CSMD1: variants seen among roughly 807,000 people sequenced by gnomAD.
The protein encoded by CSMD1 is CUB and Sushi multiple domains 1, also known as CUB and sushi domain-containing protein 1.
In CSMD1, 213 loss-of-function variants were observed where a neutral mutation model predicts 417.5. That is an observed-to-expected ratio of 0.51 (90% CI 0.46 to 0.57). CSMD1 has a LOEUF of 0.57. Among genes scored for constraint, CSMD1 ranks in the 20% least tolerant of loss-of-function variants. The pLI is 0.00. For missense variants in CSMD1, 6,923 were observed against 4,529.7 expected (o/e 1.53, Z -15.17); for synonymous variants, 2,862 against 1,736.8 (o/e 1.65, Z -16.11).
rs571134495 is a variant in CSMD1, at chr8:4,065,301, G to T, written c.416-33202C>A. On this transcript the variant is annotated intron_variant, in intron 3 of 69. Coordinates refer to ENST00000635120, the MANE Select transcript of CSMD1 (RefSeq NM_033225.6). ...GGGCAGTGCTTCCCCATCCCCCTCA[G>T]TAGCACACTGAACTTTTACATTTAA... Among the ~76,000 whole-genome samples, 6 of 152,248 alleles carry T rather than the reference G, an allele frequency of 3.9e-5. No individual in the cohort carries two copies. In the East Asian group the frequency reaches 1.2e-3, roughly 29 times the overall value.
At chr8:4,043,266 A>T (rs1313998392) in intron 3 of CSMD1, among the ~76,000 whole-genome samples, 1 of 152,240 alleles carries the variant, frequency 6.6e-6, no homozygotes, top group African/African-American at 2.4e-5. Context: ...CATAGGAGAT[A>T]AAACGAATCA....
chr8:3,929,618 A>T lies in CSMD1; in HGVS notation c.818+68285T>A, dbSNP rs1276193334. Among the ~76,000 whole-genome samples the T allele has an allele frequency of 1.3e-5, 2 of 150,608 alleles. 1 individual carries two copies. The highest frequency in any genetic ancestry group is 3.0e-5 in the Non-Finnish European group (2 of 67,606). ...ATGTGGCTGCATTATTTTGTCTTTA[A>T]AAGGAAGAGTATATTGTTTCAAAAC... On this transcript the variant is annotated intron_variant, in intron 5 of 69. Transcript: ENST00000635120.
At chr8:3,733,706 A>G (rs914920596) in intron 6 of CSMD1, among the ~76,000 whole-genome samples, 2 of 152,086 alleles carry the variant, frequency 1.3e-5, no homozygotes, top group Non-Finnish European at 2.9e-5. Flanking sequence ...CATCTCAGGG[A>G]CTGGATGGAC....
intron 1 of CSMD1, among the ~76,000 whole-genome samples, chr8:4,686,694 T>C (rs1323461068): frequency 1.3e-5 from 2 of 152,232 alleles, no homozygotes; most frequent in African/African-American, 4.8e-5. Context: ...CGAAGGCTCA[T>C]ATTACATAAA....
At chr8:3,506,150 C>T (rs986566202) in intron 10 of CSMD1, among the ~76,000 whole-genome samples, 3 of 152,060 alleles carry the variant, frequency 2.0e-5, no homozygotes, top group African/African-American at 7.2e-5. Flanking sequence ...AGAGGAAGTG[C>T]CAGGGAGGCA....
At position 2,941,520 on chromosome 8, in the gene CSMD1, C is replaced by T. The variant is rs111755545; in HGVS notation, c.10535+952G>A. Among the ~76,000 whole-genome samples the T allele has an allele frequency of 8.0e-3, 1,221 of 152,232 alleles. 14 individuals carry two copies. Among genetic ancestry groups the T allele is most frequent in the African/African-American group, 0.025 (1,044 of 41,530 alleles). ...GTAGTTTGGCATTTCCAGATTCCTCCAGGTAATGTATTATCCATATATGGA... is the reference window on the plus strand; with the variant it reads ...GTAGTTTGGCATTTCCAGATTCCTCTAGGTAATGTATTATCCATATATGGA... On this transcript the variant is annotated intron_variant, in intron 69 of 69. Transcript: ENST00000635120.
chr8:3,907,384 A>C (rs1808182581), intron 5 of CSMD1, among the ~76,000 whole-genome samples: 1 of 152,184 alleles, frequency 6.6e-6, no homozygotes, highest in Non-Finnish European at 1.5e-5. Flanking sequence ...GAATTATCTA[A>C]ATGGGGTAAT....
At chr8:4,067,724 G>C (rs1481782801) in intron 3 of CSMD1, among the ~76,000 whole-genome samples, 1 of 152,162 alleles carries the variant, frequency 6.6e-6, no homozygotes, top group African/African-American at 2.4e-5. Flanking sequence ...AGTGTAATTT[G>C]ATAAAGGAAC....
At chr8:3,602,827 G>C (rs948594816) in intron 8 of CSMD1, among the ~76,000 whole-genome samples, 2 of 151,968 alleles carry the variant, frequency 1.3e-5, no homozygotes, top group Non-Finnish European at 2.9e-5. Context: ...TGATGATCAT[G>C]ACAAACTGGG....
At chr8:4,180,855 C>T (rs886442309) in intron 3 of CSMD1, among the ~76,000 whole-genome samples, 1 of 152,072 alleles carries the variant, frequency 6.6e-6, no homozygotes, top group African/African-American at 2.4e-5. Context: ...TATTTAAAAG[C>T]TCACGATACT....
At chr8:3,196,602 T>A (rs1165591389) in intron 33 of CSMD1, among the ~76,000 whole-genome samples, 3 of 152,186 alleles carry the variant, frequency 2.0e-5, no homozygotes, top group African/African-American at 4.8e-5. Context: ...ACCATAGCTT[T>A]AGCTTCTCAA....
intron 1 of CSMD1, among the ~76,000 whole-genome samples, chr8:4,791,342 ACTC>A (rs1373620380): frequency 1.3e-5 from 2 of 151,804 alleles, no homozygotes; most frequent in Non-Finnish European, 2.9e-5. Flanking sequence ...ACTTGTTTTT[ACTC>A]CTTTCTTTGA....
chr8:3,718,316 GA>G (rs1173580084), intron 6 of CSMD1, among the ~76,000 whole-genome samples: 11 of 151,688 alleles, frequency 7.3e-5, no homozygotes, highest in Non-Finnish European at 1.2e-4. Flanking sequence ...TTGGATTTTT[GA>G]TGTCCTTGAA....
At chr8:3,472,700 C>T (rs1363410707) in intron 11 of CSMD1, among the ~76,000 whole-genome samples, 1 of 152,068 alleles carries the variant, frequency 6.6e-6, no homozygotes, top group Non-Finnish European at 1.5e-5. Context: ...CCTAAGTCGT[C>T]ATCATTTTTC....
intron 5 of CSMD1, among the ~76,000 whole-genome samples, chr8:3,905,376 C>A (rs1178899070): frequency 2.6e-5 from 4 of 152,168 alleles, no homozygotes; most frequent in Non-Finnish European, 4.4e-5. Context: ...TTTAGATTTT[C>A]TTAGTAACTG....
intron 3 of CSMD1, among the ~76,000 whole-genome samples, chr8:4,121,975 G>C (rs10113089): frequency 0.91 from 138,375 of 152,024 alleles, 63,076 homozygotes; most frequent in South Asian, 0.96. Context: ...TAATGCTTAT[G>C]TATAGATTTA....
In CSMD1 at chr8:4,958,574, G is replaced by T. The variant is rs563527903; in HGVS notation, c.85+35758C>A. Among the ~76,000 whole-genome samples the T allele has an allele frequency of 6.6e-5, 10 of 152,280 alleles. No homozygotes were observed. The East Asian group carries it at 1.9e-3, about 29-fold the overall frequency. ...CTTGAAATGAATAGAAATTCTGACA[G>T]CTTCTTAAGCAAGGCAGTGTTCTGA... On this transcript the variant is annotated intron_variant, in intron 1 of 69. Transcript: ENST00000635120.
chr8:4,986,594 A>T (rs1397881727), intron 1 of CSMD1, among the ~76,000 whole-genome samples: 1 of 151,942 alleles, frequency 6.6e-6, no homozygotes, highest in Admixed American at 6.5e-5. Flanking sequence ...ACTAAACAGT[A>T]AAAGAAAAAA....
At chr8:3,359,783 T>A (rs1378218809) in intron 20 of CSMD1, among the ~76,000 whole-genome samples, 1 of 152,188 alleles carries the variant, frequency 6.6e-6, no homozygotes, top group Non-Finnish European at 1.5e-5. Flanking sequence ...AATAAATATT[T>A]GAGGTGATGG....
Sources: gnomAD v4.1 joint callset for allele counts (sites outside exome capture counted in the v4.1 genomes callset) on GRCh38, gnomAD v4.1.1 for gene constraint, MANE v1.5 for transcripts, NCBI Gene and HGNC (gene_info 2026-07-23, HGNC 2026-07-21) for gene names.